NXNL2: variants seen among roughly 807,000 people sequenced by gnomAD.
NXNL2 encodes the protein nucleoredoxin like 2, also known as nucleoredoxin-like protein 2.
A neutral mutation model predicts 11.1 loss-of-function variants in NXNL2; 7 were observed. That is an observed-to-expected ratio of 0.63 (90% CI 0.36 to 1.18). NXNL2 has a LOEUF of 1.18. Ranked by LOEUF, NXNL2 falls within the 50% of genes most tolerant of loss-of-function variation. NXNL2 has a pLI of 0.02. For missense variants in NXNL2, 233 were observed against 217.7 expected (o/e 1.07, Z -0.44); for synonymous variants, 109 against 101.8 (o/e 1.07, Z -0.42).
intron 1 of NXNL2, among the ~76,000 whole-genome samples, chr9:88,551,477 TTC>T (rs1159769606): frequency 1.3e-5 from 2 of 152,140 alleles, no homozygotes; most frequent in Middle Eastern, 3.2e-3. Context: ...CTGAGTCAGT[TTC>T]TCTCTGTCTC....
chr9:88,544,568 G>C lies in NXNL2; in HGVS notation c.*21G>C. ...TTTGAAGTGGGAGGGACCTCAGAGG[G>C]CCAGGACAGGTGCTGCTTCTCCAGC... On this transcript the variant is annotated 3_prime_UTR_variant, in exon 2 of 2. Coordinates refer to ENST00000375854, the MANE Select transcript of NXNL2 (RefSeq NM_001161625.2). 1 of 1,505,524 alleles carries C rather than the reference G, an allele frequency of 6.6e-7. No homozygotes were observed. The highest frequency in any genetic ancestry group is 8.9e-7 in the Non-Finnish European group (1 of 1,122,810). The allele number at this position is 1,505,524 out of a possible 1,614,324, so 93.3% of individuals were successfully genotyped here.
At chr9:88,559,267 C>T (rs564094437) in intron 1 of NXNL2, among the ~76,000 whole-genome samples, 3 of 152,264 alleles carry the variant, frequency 2.0e-5, no homozygotes, top group Admixed American at 2.0e-4. Flanking sequence ...CCGTGGACTA[C>T]AGGTTACATG....
At chr9:88,563,766 G>A (rs553531484) in intron 1 of NXNL2, among the ~76,000 whole-genome samples, 3 of 151,938 alleles carry the variant, frequency 2.0e-5, no homozygotes, top group Non-Finnish European at 2.9e-5. Flanking sequence ...CTGGCTAGGC[G>A]TTCTCTCGGG....
chr9:88,562,913 C>T (rs1393031018), intron 1 of NXNL2, among the ~76,000 whole-genome samples: 7 of 151,986 alleles, frequency 4.6e-5, no homozygotes, highest in African/African-American at 1.4e-4. Flanking sequence ...CATGGTGAAA[C>T]CCTGTTTCTA....
intron 1 of NXNL2, among the ~76,000 whole-genome samples, chr9:88,539,419 G>A (rs114905411): frequency 0.016 from 2,339 of 142,218 alleles, 63 homozygotes; most frequent in African/African-American, 0.055. Flanking sequence ...AGCCCTCCAA[G>A]GAGTCCTCAT....
At chr9:88,562,301 A>G (rs1339688034) in intron 1 of NXNL2, among the ~76,000 whole-genome samples, 1 of 152,118 alleles carries the variant, frequency 6.6e-6, no homozygotes, top group Non-Finnish European at 1.5e-5. Flanking sequence ...TGCAAAGGGC[A>G]CCCAAGGGTG....
intron 1 of NXNL2, among the ~76,000 whole-genome samples, chr9:88,581,530 T>C (rs1297845646): frequency 1.3e-5 from 2 of 152,064 alleles, no homozygotes; most frequent in Admixed American, 1.3e-4. Flanking sequence ...CTCTGCCTCG[T>C]AGGTTCAAGC....
chr9:88,571,621 G>A (rs1564076994), intron 2 of NXNL2, among the ~76,000 whole-genome samples: 1 of 152,136 alleles, frequency 6.6e-6, no homozygotes, highest in Non-Finnish European at 1.5e-5. Context: ...TGATTCCACC[G>A]TTGCTATGGC....
chr9:88,567,014 A>T (rs1481759918), intron 1 of NXNL2, among the ~76,000 whole-genome samples: 1 of 151,476 alleles, frequency 6.6e-6, no homozygotes, highest in African/African-American at 2.4e-5. Flanking sequence ...CTATCTATCT[A>T]TCTATCATCT....
intron 1 of NXNL2, among the ~76,000 whole-genome samples, chr9:88,562,987 C>G (rs1251103081): frequency 2.0e-5 from 3 of 151,874 alleles, no homozygotes; most frequent in African/African-American, 7.3e-5. Flanking sequence ...ACTCGGGAGG[C>G]TGAGGCAGGA....
At chr9:88,568,888 T>G (rs1434869335) in intron 1 of NXNL2, among the ~76,000 whole-genome samples, 1 of 152,158 alleles carries the variant, frequency 6.6e-6, no homozygotes, top group Non-Finnish European at 1.5e-5. Context: ...AGCAAGAAGA[T>G]CTGAGATATC....
intron 1 of NXNL2, among the ~76,000 whole-genome samples, chr9:88,558,870 C>A (rs1830051700): frequency 6.6e-6 from 1 of 152,050 alleles, no homozygotes; most frequent in Non-Finnish European, 1.5e-5. Context: ...CCTGTAGGGG[C>A]TTAGGTCTCA....
intron 1 of NXNL2, among the ~76,000 whole-genome samples, chr9:88,542,591 A>C (rs1464333539): frequency 1.3e-5 from 2 of 152,142 alleles, no homozygotes; most frequent in African/African-American, 4.8e-5. Context: ...ACCCGGCCCC[A>C]AAAATGGTTT....
At chr9:88,578,703 G>A (rs868653412), downstream of NXNL2, among the ~76,000 whole-genome samples, 6 of 152,226 alleles carry the variant, frequency 3.9e-5, no homozygotes, top group Admixed American at 2.0e-4. Flanking sequence ...CCGACCTCCG[G>A]AAGGCTGGGC....
rs184105344 is a variant in NXNL2 at position 88,555,844 on chromosome 9, C to T, written c.303-15243C>T. 3.7e-3 allele frequency among the ~76,000 whole-genome samples: 560 copies of T among 151,526 alleles called. 1 individual carries two copies. The highest frequency in any genetic ancestry group is 6.0e-3 in the Non-Finnish European group (410 of 68,002). ...TTCTGTGGGCAAGCCAGGTGCAGAG[C>T]GGCAAAAGGTGTGTGAGCCAGTGAG... is the stretch of plus-strand genomic sequence containing the variant. On this transcript the variant is annotated intron_variant, in intron 1 of 2. Transcript: ENST00000375855.
At chr9:88,551,049 G>A (rs1402890598) in intron 1 of NXNL2, among the ~76,000 whole-genome samples, 2 of 152,148 alleles carry the variant, frequency 1.3e-5, no homozygotes, top group Admixed American at 1.3e-4. Flanking sequence ...AGGCCTCCAA[G>A]AGGGGTCCCT....
At position 88,535,345 on chromosome 9, in the gene NXNL2, C is replaced by A. The variant is rs1253835602; in HGVS notation, c.-90C>A. The A allele has an allele frequency of 7.6e-7, 1 of 1,310,688 alleles. No homozygotes were observed. The highest frequency in any genetic ancestry group is 1.0e-6 in the Non-Finnish European group (1 of 982,284). 81.2% of individuals were successfully genotyped at this position (1,310,688 alleles called of 1,614,324 possible). ...CAGCGCCCGGTGGTGCGGACAGAGG[C>A]GGGGCACCGCGGCGCTCGCCGCCGC... On this transcript the variant is annotated 5_prime_UTR_variant, in exon 1 of 2. Transcript: ENST00000375854.
chr9:88,544,747 ATTATAG>A lies in NXNL2; in HGVS notation c.*205_*210del, dbSNP rs1829825489. ...TATTTTGATCATGCAGGCTGTTTGTATTATAGTTATTTTTGTTATTCTTTGCATACC... is the reference window on the plus strand; with the variant it reads ...TATTTTGATCATGCAGGCTGTTTGTATTATTTTTGTTATTCTTTGCATACC... On this transcript the variant is annotated 3_prime_UTR_variant, in exon 2 of 2. Transcript: ENST00000375854. 1.5e-6 allele frequency: 2 copies of A among 1,335,792 alleles called. No individual in the cohort carries two copies. Among genetic ancestry groups the A allele is most frequent in the Admixed American group, 3.6e-5 (1 of 27,748 alleles). 82.7% of individuals were successfully genotyped at this position (1,335,792 alleles called of 1,614,324 possible). A position where few individuals can be genotyped will look rare whatever the true frequency, so the allele number is the denominator to read the frequency against.
At chr9:88,576,803 CTCTGGGACGTAAGAG>C (rs1830353796), downstream of NXNL2, among the ~76,000 whole-genome samples, 1 of 152,174 alleles carries the variant, frequency 6.6e-6, no homozygotes, top group East Asian at 1.9e-4. Context: ...CCTCTGGGTT[CTCTGGGACGTAAGAG>C]CCTGAGCACC....
Sources: allele counts gnomAD v4.1 joint callset (sites outside exome capture counted in the v4.1 genomes callset), GRCh38; gene constraint gnomAD v4.1.1; transcripts MANE v1.5; gene names NCBI Gene and HGNC (gene_info 2026-07-23, HGNC 2026-07-21).